INTS14: variants seen among roughly 807,000 people sequenced by gnomAD.
INTS14 encodes UPF0464 protein C15orf44.
Under a neutral mutation model 56.9 loss-of-function variants are expected in INTS14, and 27 were observed. The observed-to-expected ratio is 0.47, with a 90% CI of 0.35 to 0.65. INTS14 has a LOEUF of 0.65. Among genes scored for constraint, INTS14 ranks in the 30% least tolerant of loss-of-function variants. INTS14 has a pLI of 0.00. For synonymous variants in INTS14, 207 were observed against 236.2 expected (o/e 0.88, Z 1.13); for missense variants, 517 against 632.2 (o/e 0.82, Z 1.95).
At chr15:65,610,366 G>T (rs2073858041) in intron 1 of INTS14, among the ~76,000 whole-genome samples, 2 of 152,042 alleles carry the variant, frequency 1.3e-5, no homozygotes, top group Non-Finnish European at 2.9e-5. Context: ...CTTGGGTGGG[G>T]GGGAATCCCT....
chr15:65,580,196 G>A lies in INTS14; in HGVS notation c.1306-537C>T, dbSNP rs560638821. On this transcript the variant is annotated intron_variant, in intron 11 of 11. Transcript: ENST00000313182. ...GAAGTGCCCCAACAACCCCTTAGTG[G>A]AGTGGTCTGGGCAAGTTATATAGCC... Among the ~76,000 whole-genome samples the A allele has an allele frequency of 6.6e-5, 10 of 152,266 alleles. No homozygotes were observed. The East Asian group carries it at 1.9e-3, about 29-fold the overall frequency.
At chr15:65,585,736 T>C (rs1258980847) in intron 9 of INTS14, among the ~76,000 whole-genome samples, 1 of 152,170 alleles carries the variant, frequency 6.6e-6, no homozygotes, top group Non-Finnish European at 1.5e-5. Flanking sequence ...TCCTACAAGT[T>C]CAGAGAACTT....
At chr15:65,593,329 C>T in intron 8 of INTS14, 99 bp downstream of exon 8, 1 of 1,397,344 alleles carries the variant, frequency 7.2e-7, no homozygotes, top group Non-Finnish European at 9.7e-7. Context: ...AAAAAGGTGA[C>T]AAGGACCTTT....
At chr15:65,588,318 T>TAAG (rs1034728209) in intron 9 of INTS14, among the ~76,000 whole-genome samples, 1 of 150,818 alleles carries the variant, frequency 6.6e-6, no homozygotes, top group Non-Finnish European at 1.5e-5. Context: ...ATAATAATAA[T>TAAG]AATAAAATGG....
At chr15:65,608,060 G>A (rs76009535) in intron 1 of INTS14, among the ~76,000 whole-genome samples, 80 of 152,328 alleles carry the variant, frequency 5.3e-4, no homozygotes, top group African/African-American at 1.9e-3. Flanking sequence ...TGCTTCAACT[G>A]TGAAGGAAAA....
chr15:65,597,361 A>G (rs1267931341), intron 6 of INTS14, among the ~76,000 whole-genome samples: 3 of 152,242 alleles, frequency 2.0e-5, no homozygotes, highest in Non-Finnish European at 4.4e-5. Flanking sequence ...TATGCTGGAC[A>G]TCAAGGCTGT....
chr15:65,579,654 C>G lies in INTS14; in HGVS notation c.1311G>C (p.Leu437=), dbSNP rs771542332. ...CTAGAGCGGCCTTTCGCAAACGGTT[C>G]AGCTCCTGAAACAAGACAGAAAATC... The part of the protein sequence containing the change: ...PEKTQTFYKE[L]NRLRKAALAF... Residue 437 remains leucine, a synonymous_variant, in exon 12 of 12, where the codon CTG becomes CTC. Transcript: ENST00000313182. 1.2e-6 allele frequency: 2 copies of G among 1,611,690 alleles called. No homozygotes were observed. The highest frequency in any genetic ancestry group is 2.7e-5 in the African/African-American group (2 of 74,916).
rs111464857 is a variant in INTS14, at chr15:65,599,980, C to A, written c.331-51G>T. On this transcript the variant is annotated intron_variant, in intron 3 of 11. Transcript: ENST00000313182. The stretch of plus-strand genomic sequence containing the variant: ...GTTGTACATTAAATTACATATTTAA[C>A]GCAGTCCCATTTAGCAGTGTTTTCA... 2,187 of 1,566,494 alleles carry A rather than the reference C, an allele frequency of 1.4e-3. 2 individuals are homozygous for A. Among genetic ancestry groups the A allele is most frequent in the Non-Finnish European group, 1.7e-3 (1,982 of 1,151,478 alleles).
intron 1 of INTS14, 86 bp downstream of exon 1, chr15:65,611,012 T>C (rs1431388858): frequency 7.9e-6 from 12 of 1,523,094 alleles, no homozygotes; most frequent in Non-Finnish European, 1.1e-5. Flanking sequence ...GCGCTGGCCC[T>C]GGGTTGTTCT....
chr15:65,584,309 A>G (rs2141252281), intron 10 of INTS14, among the ~76,000 whole-genome samples: 1 of 152,358 alleles, frequency 6.6e-6, no homozygotes, highest in Non-Finnish European at 1.5e-5. Context: ...AGACTTTTAC[A>G]TCTTTTCCAA....
intron 9 of INTS14, chr15:65,586,922 G>T (rs60955294): frequency 6.6e-6 from 1 of 152,286 alleles, no homozygotes; most frequent in African/African-American, 2.4e-5. Flanking sequence ...AATCAATGAA[G>T]AGACCAACAT....
chr15:65,594,556 G>GTTT (rs777652735), intron 7 of INTS14, among the ~76,000 whole-genome samples: 9 of 126,870 alleles, frequency 7.1e-5, no homozygotes, highest in African/African-American at 1.9e-4. Context: ...CTACGCCCAG[G>GTTT]TTTTTTTTTT....
Position 65,598,387 on chromosome 15 carries a change from A to G in INTS14, c.682T>C (p.Phe228Leu). Reference sequence around the variant, plus strand: ...ACAACAAAAGGTTCTGGCCTGGGGAAGACTTGTACATCAGCAGTTAGGTGG... The same window carrying G: ...ACAACAAAAGGTTCTGGCCTGGGGAGGACTTGTACATCAGCAGTTAGGTGG... ...CGHLTADVQVFPRPEPFVVDE... is the reference protein window; with the variant it reads ...CGHLTADVQVLPRPEPFVVDE... Residue 228 changes from phenylalanine to leucine, a missense_variant, in exon 6 of 12, where the codon TTC (phenylalanine) becomes CTC (leucine). Phe to Leu is a conservative substitution (Grantham distance 22). Transcript: ENST00000313182. The G allele has an allele frequency of 6.2e-7, 1 of 1,614,124 alleles. No homozygotes were observed. Among genetic ancestry groups the G allele is most frequent in the Non-Finnish European group, 8.5e-7 (1 of 1,179,968 alleles).
chr15:65,604,827 T>G (rs1157620317), intron 3 of INTS14, among the ~76,000 whole-genome samples: 1 of 152,086 alleles, frequency 6.6e-6, no homozygotes, highest in Admixed American at 6.6e-5. Context: ...CACTCAAAAT[T>G]ATAATGACCC....
rs2072458709 is a variant in INTS14, at chr15:65,578,834, A to G, written c.*574T>C. 1 of 152,256 alleles carries G rather than the reference A, an allele frequency of 6.6e-6. No individual in the cohort carries two copies. The highest frequency in any genetic ancestry group is 2.4e-5 in the African/African-American group (1 of 41,476). The allele number at this position is 152,256 out of a possible 1,614,324, so 9.4% of individuals were successfully genotyped here. On this transcript the variant is annotated 3_prime_UTR_variant, in exon 12 of 12. Coordinates refer to ENST00000313182, the MANE Select transcript of INTS14 (RefSeq NM_001394796.1). ...TAAAAAAAAACCTTGAATAATAGGA[A>G]TCATTTTACACATTAATGGTTGCTC...
At position 65,591,720 on chromosome 15, in the gene INTS14, T is replaced by C; in HGVS notation, c.998A>G (p.His333Arg). 2 of 1,614,084 alleles carry C rather than the reference T, an allele frequency of 1.2e-6. No homozygotes were observed. The highest frequency in any genetic ancestry group is 1.7e-6 in the Non-Finnish European group (2 of 1,179,968). The part of the protein sequence containing the change: ...VAIVQLGPEW[H>R]GMLYSQADSK... ...GTCAGCTTGGGAGTAGAGCATTCCA[T>C]GCCATTCAGGACTAGATGGAGAGAA... Residue 333 changes from histidine to arginine, a missense_variant, in exon 9 of 12, where the codon CAT becomes CGT. By Grantham distance (29) the His-to-Arg change is conservative. Coordinates refer to ENST00000313182, the MANE Select transcript of INTS14 (RefSeq NM_001394796.1).
rs191010249 is a variant in INTS14 at position 65,587,111 on chromosome 15, G to A, written c.1121-2223C>T. Among the ~76,000 whole-genome samples, 9 of 152,154 alleles carry A rather than the reference G, an allele frequency of 5.9e-5. No individual in the cohort carries two copies. The East Asian group carries it at 1.7e-3, about 29-fold the overall frequency. On this transcript the variant is annotated intron_variant, in intron 9 of 11. Transcript: ENST00000313182. Reference sequence around the variant, plus strand: ...CTGAGGGAAAATGACTTCCAACTTAGAACTCAATTCCCAACCAAACTATCA... The same window carrying A: ...CTGAGGGAAAATGACTTCCAACTTAAAACTCAATTCCCAACCAAACTATCA...
intron 3 of INTS14, among the ~76,000 whole-genome samples, chr15:65,601,225 C>T (rs2073421987): frequency 6.6e-6 from 1 of 152,212 alleles, no homozygotes; most frequent in Non-Finnish European, 1.5e-5. Context: ...AAATCATTTT[C>T]CTTTTCTTCA....
At chr15:65,599,507 A>C (rs2073348367) in intron 4 of INTS14, 3 of 282,366 alleles carry the variant, frequency 1.1e-5, no homozygotes, top group South Asian at 1.0e-4. Context: ...GAAATGAACA[A>C]CACCAAAAAG....
Sources: gnomAD v4.1 joint callset for allele counts (sites outside exome capture counted in the v4.1 genomes callset) on GRCh38, gnomAD v4.1.1 for gene constraint, MANE v1.5 for transcripts, NCBI Gene and HGNC (gene_info 2026-07-23, HGNC 2026-07-21) for gene names.